Variants in EPN1 observed in about 807,000 individuals in gnomAD.
EPN1 encodes epsin 1.
In EPN1, 25 loss-of-function variants were observed where a neutral mutation model predicts 56.9. The ratio of observed to expected loss-of-function variants is 0.44; its 90% CI spans 0.32 to 0.61. The LOEUF is 0.61. EPN1 is among the 20% of genes least tolerant of loss of function. The pLI, the probability that EPN1 is intolerant of heterozygous loss-of-function variation, is 0.05. For synonymous variants in EPN1, 411 were observed against 361.8 expected, an observed-to-expected ratio of 1.14 and a Z score of -1.54; for missense variants, 785 against 823.7, an observed-to-expected ratio of 0.95 and a Z score of 0.58.
At chr19:55,693,214 A>T in intron 9 of EPN1, 177 bp downstream of exon 9, 1 of 544,774 alleles carries the variant, frequency 1.8e-6, no homozygotes, top group Non-Finnish European at 3.2e-6. Context: ...AGAAGTGTGC[A>T]TCTTTATTTT....
chr19:55,708,723 C>T lies in EPN1; in HGVS notation c.*13367C>T, dbSNP rs1027213906. 4 of 446,006 alleles carry T rather than the reference C, an allele frequency of 9.0e-6. No individual in the cohort carries two copies. Among genetic ancestry groups the T allele is most frequent in the African/African-American group, 4.0e-5 (2 of 49,814 alleles). 27.6% of individuals were successfully genotyped at this position (446,006 alleles called of 1,614,324 possible). A position where few individuals can be genotyped will look rare whatever the true frequency, so the allele number is the denominator to read the frequency against. On this transcript the variant is annotated 3_prime_UTR_variant, in exon 11 of 11. Coordinates refer to ENST00000270460, the MANE Select transcript of EPN1 (RefSeq NM_001130072.2). ...TTCTAAAGACAAGGGGATATAGGAC[C>T]GAGGCAAAGACAATCAGCATGTACA...
rs1324277673 is a variant in EPN1, at chr19:55,706,299, T to TTTTTTTTTTTTTTTTTTTTTTTTTTTTA, written c.*10943_*10944insTTTTTTTTTTTTTTTTTTTTTTTTTTTA. 6.5e-6 allele frequency: 1 copy of TTTTTTTTTTTTTTTTTTTTTTTTTTTTA among 154,808 alleles called. No individual in the cohort carries two copies. The highest frequency in any genetic ancestry group is 2.5e-5 in the African/African-American group (1 of 39,260). The allele number at this position is 154,808 out of a possible 1,614,324, so 9.6% of individuals were successfully genotyped here. A position where few individuals can be genotyped will look rare whatever the true frequency, so the allele number is the denominator to read the frequency against. On this transcript the variant is annotated 3_prime_UTR_variant, in exon 11 of 11. Transcript: ENST00000270460. ...TTTCTTCTTCTTTTTTTTTTTTTTT[T>TTTTTTTTTTTTTTTTTTTTTTTTTTTTA]AAAAGACCGTGTTTCGCTCTGTCAC...
Position 55,692,772 on chromosome 19 carries a change from A to G in EPN1, c.1153A>G (p.Lys385Glu). ...FSDPWGGSPA[K>E]PSTNGTTAAG... ...AGATCCCTGGGGAGGGTCACCTGCCAAGCCCAGCACCAATGGCACAACAGG... is the reference window on the plus strand; with the variant it reads ...AGATCCCTGGGGAGGGTCACCTGCCGAGCCCAGCACCAATGGCACAACAGG... The change falls in exon 8 of 11, where the codon AAG (lysine) becomes GAG (glutamate). Residue 385 changes from lysine to glutamate, a missense_variant. Around this residue, in one of 2 missense-constraint regions of EPN1, gnomAD observed 650 missense variants for 605.0 expected, o/e 1.07. Coordinates refer to ENST00000270460, the MANE Select transcript of EPN1 (RefSeq NM_001130072.2). The G allele has an allele frequency of 6.3e-7, 1 of 1,594,826 alleles. No individual in the cohort carries two copies. The highest frequency in any genetic ancestry group is 1.3e-5 in the African/African-American group (1 of 74,634).
chr19:55,681,558 A>AT (rs1420917176), intron 2 of EPN1, among the ~76,000 whole-genome samples: 1 of 152,216 alleles, frequency 6.6e-6, no homozygotes, highest in East Asian at 1.9e-4. Flanking sequence ...AGCCAGGCCC[A>AT]TTCATCTGTG....
intron 7 of EPN1, among the ~76,000 whole-genome samples, chr19:55,692,309 C>G (rs1986611574): frequency 6.6e-6 from 1 of 150,622 alleles, no homozygotes; most frequent in African/African-American, 2.5e-5. Flanking sequence ...CAGAGAGGCT[C>G]TGGCCAAGGC....
chr19:55,703,730 A>C lies in EPN1; in HGVS notation c.*8374A>C, dbSNP rs983235195. ...CTGTACAAAAGGGATGCCACTAGCCACATGCCACGTAGAACAGTTGAAATG... is the reference window on the plus strand; with the variant it reads ...CTGTACAAAAGGGATGCCACTAGCCCCATGCCACGTAGAACAGTTGAAATG... On this transcript the variant is annotated 3_prime_UTR_variant, in exon 11 of 11. Transcript: ENST00000270460. 1.3e-5 allele frequency: 2 copies of C among 152,264 alleles called. No individual in the cohort carries two copies. Among genetic ancestry groups the C allele is most frequent in the African/African-American group, 4.8e-5 (2 of 41,468 alleles). The allele number at this position is 152,264 out of a possible 1,614,324, so 9.4% of individuals were successfully genotyped here.
Position 55,709,155 on chromosome 19 carries a change from C to G in EPN1, c.*13799C>G, listed in dbSNP as rs1987593435. 1 of 710,280 alleles carries G rather than the reference C, an allele frequency of 1.4e-6. No homozygotes were observed. The highest frequency in any genetic ancestry group is 1.9e-5 in the African/African-American group (1 of 53,028). The allele number at this position is 710,280 out of a possible 1,614,324, so 44.0% of individuals were successfully genotyped here. ...CTCCTCTTTATTCTTTCCTAGAAATCACTGGGAGAATTGTACTGAATTTGA... is the reference window on the plus strand; with the variant it reads ...CTCCTCTTTATTCTTTCCTAGAAATGACTGGGAGAATTGTACTGAATTTGA... On this transcript the variant is annotated 3_prime_UTR_variant, in exon 11 of 11. Transcript: ENST00000270460.
In EPN1 at chr19:55,709,085, T is replaced by G; in HGVS notation, c.*13729T>G. On this transcript the variant is annotated 3_prime_UTR_variant, in exon 11 of 11. Transcript: ENST00000270460. ...TAAAGTTTTTTTTTTTGTTTTTCAT[T>G]TTTACACAGTATTGCCTCTCTACAT... 1 of 1,490,468 alleles carries G rather than the reference T, an allele frequency of 6.7e-7. No individual in the cohort carries two copies. Among genetic ancestry groups the G allele is most frequent in the South Asian group, 1.3e-5 (1 of 76,782 alleles). The allele number at this position is 1,490,468 out of a possible 1,614,324, so 92.3% of individuals were successfully genotyped here.
intron 3 of EPN1, among the ~76,000 whole-genome samples, chr19:55,688,234 G>A (rs1369266536): frequency 2.0e-5 from 3 of 152,098 alleles, no homozygotes; most frequent in East Asian, 3.9e-4. Flanking sequence ...GAGTTTGAGG[G>A]TAGGCGGGGT....
intron 2 of EPN1, among the ~76,000 whole-genome samples, chr19:55,682,963 G>T (rs1025649107): frequency 4.6e-5 from 7 of 151,982 alleles, no homozygotes; most frequent in African/African-American, 7.3e-5. Context: ...CACCATATTG[G>T]CCAGGCTGGT....
At position 55,695,112 on chromosome 19, in the gene EPN1, ACT is replaced by A. The variant is rs1444081801; in HGVS notation, c.1523-34_1523-33del. ...TGGACACAGGTGGGCTGCGCCACTGACTCCACTCCGTGTCTCTGGTTTACTCT... is the reference window on the plus strand; with the variant it reads ...TGGACACAGGTGGGCTGCGCCACTGACCACTCCGTGTCTCTGGTTTACTCT... On this transcript the variant is annotated intron_variant, in intron 10 of 10. Coordinates refer to ENST00000270460, the MANE Select transcript of EPN1 (RefSeq NM_001130072.2). This position sits in a 1 kb window ranked among gnomAD's most constrained non-coding sequence, Gnocchi z 4.4. The A allele has an allele frequency of 5.6e-6, 9 of 1,612,010 alleles. No homozygotes were observed. Among genetic ancestry groups the A allele is most frequent in the Non-Finnish European group, 8.5e-7 (1 of 1,178,964 alleles).
rs542095661 is a variant in EPN1 at position 55,693,330 on chromosome 19, C to T, written c.1264+293C>T. The T allele has an allele frequency of 2.5e-4, 98 of 393,536 alleles. 1 individual carries two copies. Among genetic ancestry groups the T allele is most frequent in the South Asian group, 1.1e-3 (38 of 33,208 alleles). 24.4% of individuals were successfully genotyped at this position (393,536 alleles called of 1,614,324 possible). Reference sequence around the variant, plus strand: ...GCCTCCACGTTGCTTGAGTGCCTTGCAAACTCTCCAGGTGTCTCAAAGAAC... The same window carrying T: ...GCCTCCACGTTGCTTGAGTGCCTTGTAAACTCTCCAGGTGTCTCAAAGAAC... On this transcript the variant is annotated intron_variant, in intron 9 of 10. Coordinates refer to ENST00000270460, the MANE Select transcript of EPN1 (RefSeq NM_001130072.2).
At chr19:55,684,238 G>A (rs1213838315) in intron 2 of EPN1, among the ~76,000 whole-genome samples, 1 of 152,188 alleles carries the variant, frequency 6.6e-6, no homozygotes, top group East Asian at 1.9e-4. Flanking sequence ...ATTTCTCCTT[G>A]GTTCAGACGG....
Position 55,699,762 on chromosome 19 carries a change from C to T in EPN1, c.*4406C>T, listed in dbSNP as rs1215542753. On this transcript the variant is annotated 3_prime_UTR_variant, in exon 11 of 11. Transcript: ENST00000270460. ...GCACGTCCTGGGACAGCCCACGCTTCCACAGGGTTCCAGCATGCTTTCCGC... is the reference window on the plus strand; with the variant it reads ...GCACGTCCTGGGACAGCCCACGCTTTCACAGGGTTCCAGCATGCTTTCCGC... 6.6e-6 allele frequency: 1 copy of T among 152,166 alleles called. No homozygotes were observed. The highest frequency in any genetic ancestry group is 2.4e-5 in the African/African-American group (1 of 41,432). 9.4% of individuals were successfully genotyped at this position (152,166 alleles called of 1,614,324 possible).
In EPN1 at chr19:55,691,626, C is replaced by T. The variant is rs925596883; in HGVS notation, c.763-128C>T. ...TGTTTGGGGCCTGCCTCCCTCTCAC[C>T]CCTTATGGATGGCTGCTGTCTGGAC... On this transcript the variant is annotated intron_variant, in intron 6 of 10. Transcript: ENST00000270460. The surrounding 1 kb of genome is among the most constrained non-coding windows in gnomAD (Gnocchi z 5.6). 15 of 767,722 alleles carry T rather than the reference C, an allele frequency of 2.0e-5. No individual in the cohort carries two copies. The African/African-American group carries it at 2.7e-4, about 14-fold the overall frequency. 47.6% of individuals were successfully genotyped at this position (767,722 alleles called of 1,614,324 possible).
rs1987290743 is a variant in EPN1, at chr19:55,704,317, GACCCCGT to G, written c.*8967_*8973del. 1 of 151,972 alleles carries G rather than the reference GACCCCGT, an allele frequency of 6.6e-6. No homozygotes were observed. Among genetic ancestry groups the G allele is most frequent in the South Asian group, 2.1e-4 (1 of 4,810 alleles). The allele number at this position is 151,972 out of a possible 1,614,324, so 9.4% of individuals were successfully genotyped here. A position where few individuals can be genotyped will look rare whatever the true frequency, so the allele number is the denominator to read the frequency against. ...GAAACCCTACCCCCCACCCTGCACC[GACCCCGT>G]ACCCCAGAATGGGGCTGTATTTGGA... On this transcript the variant is annotated 3_prime_UTR_variant, in exon 11 of 11. Transcript: ENST00000270460.
intron 6 of EPN1, among the ~76,000 whole-genome samples, chr19:55,690,204 G>C (rs1986448325): frequency 6.6e-6 from 1 of 152,204 alleles, no homozygotes; most frequent in African/African-American, 2.4e-5. Context: ...TGAGCACCGT[G>C]AGGGCCACCA....
At position 55,703,278 on chromosome 19, in the gene EPN1, CTGTG is replaced by C. The variant is rs113664363; in HGVS notation, c.*7934_*7937del. The C allele has an allele frequency of 2.0e-5, 3 of 151,354 alleles. No individual in the cohort carries two copies. Among genetic ancestry groups the C allele is most frequent in the Non-Finnish European group, 2.9e-5 (2 of 67,906 alleles). 9.4% of individuals were successfully genotyped at this position (151,354 alleles called of 1,614,324 possible). ...GTGCCCTCAACCAAGGAGATAGCTGCTGTGTGTGTGTGTGTTGTGTGTGGTTGGG... is the reference window on the plus strand; with the variant it reads ...GTGCCCTCAACCAAGGAGATAGCTGCTGTGTGTGTGTTGTGTGTGGTTGGG... On this transcript the variant is annotated 3_prime_UTR_variant, in exon 11 of 11. Transcript: ENST00000270460.
chr19:55,692,603 C>G (rs1236935479), intron 7 of EPN1, 83 bp from the exon 8 acceptor site: 2 of 923,930 alleles, frequency 2.2e-6, no homozygotes, highest in South Asian at 3.9e-5. Flanking sequence ...TGTGAACAGC[C>G]ACAGATTTGG....
Sources: allele counts gnomAD v4.1 joint callset (sites outside exome capture counted in the v4.1 genomes callset), GRCh38; gene constraint gnomAD v4.1.1; regional missense constraint gnomAD v4.1.1; non-coding constraint Gnocchi (gnomAD v3.1); transcripts MANE v1.5; gene names NCBI Gene and HGNC (gene_info 2026-07-23, HGNC 2026-07-21).